Variants in TNN observed in about 807,000 individuals in gnomAD.
The protein encoded by TNN is tenascin-N.
In TNN, 122 loss-of-function variants were observed where a neutral mutation model predicts 134.4. The ratio of observed to expected loss-of-function variants is 0.91; its 90% CI spans 0.78 to 1.06. The LOEUF (loss-of-function observed/expected upper bound fraction) is 1.06. Ranked by LOEUF, TNN falls within the 50% of genes least tolerant of loss-of-function variation. The pLI, the probability that TNN is intolerant of heterozygous loss-of-function variation, is 0.00. For missense variants in TNN, 1,739 were observed against 1,699.4 expected, an observed-to-expected ratio of 1.02 and a Z score of -0.41; for synonymous variants, 710 against 670.3, an observed-to-expected ratio of 1.06 and a Z score of -0.91.
intron 6 of TNN, among the ~76,000 whole-genome samples, chr1:175,090,310 C>G (rs938150722): frequency 6.6e-6 from 1 of 152,086 alleles, no homozygotes; most frequent in Non-Finnish European, 1.5e-5. Flanking sequence ...ACAAACGATG[C>G]CTTTTGGATA....
chr1:175,146,053 C>T (rs576242158), intron 18 of TNN, among the ~76,000 whole-genome samples: 2 of 152,276 alleles, frequency 1.3e-5, no homozygotes, highest in South Asian at 4.1e-4. Context: ...ATTTTGATTA[C>T]TTTGGCCCTG....
intron 4 of TNN, among the ~76,000 whole-genome samples, chr1:175,083,114 TG>T (rs1674236637): frequency 1.3e-5 from 2 of 152,010 alleles, no homozygotes; most frequent in Non-Finnish European, 2.9e-5. Context: ...AGGTACCAGA[TG>T]GAAGTGCTAA....
intron 15 of TNN, among the ~76,000 whole-genome samples, chr1:175,130,972 C>T (rs1455344264): frequency 6.6e-6 from 1 of 152,140 alleles, no homozygotes; most frequent in Non-Finnish European, 1.5e-5. Context: ...CTTAAAGCCA[C>T]CATGCTCCAG....
At position 175,108,832 on chromosome 1, in the gene TNN, C is replaced by T. The variant is rs111712405; in HGVS notation, c.2120-8107C>T. On this transcript the variant is annotated intron_variant, in intron 9 of 18. Coordinates refer to ENST00000239462, the MANE Select transcript of TNN (RefSeq NM_022093.2). Reference sequence around the variant, plus strand: ...CATGTGCAGCCCTGGTTCCCGCTCACGCCTCTCCCTCCACACCTCCCCGCA... The same window carrying T: ...CATGTGCAGCCCTGGTTCCCGCTCATGCCTCTCCCTCCACACCTCCCCGCA... Among the ~76,000 whole-genome samples, 127 of 146,856 alleles carry T rather than the reference C, an allele frequency of 8.6e-4. 4 individuals are homozygous for T. The highest frequency in any genetic ancestry group is 3.1e-3 in the African/African-American group (119 of 38,972).
chr1:175,127,028 C>G lies in TNN; in HGVS notation c.2988C>G (p.Pro996=). The G allele has an allele frequency of 2.5e-6, 4 of 1,614,182 alleles. No homozygotes were observed. The highest frequency in any genetic ancestry group is 3.4e-6 in the Non-Finnish European group (4 of 1,180,020). ...QSGGILTWTP[P]SAQIHGYILT... The stretch of plus-strand genomic sequence containing the variant: ...GTGGCATATTGACCTGGACGCCCCC[C>G]TCTGCTCAGATCCACGGCTACATTC... Residue 996 remains proline (P), a synonymous_variant, in exon 13 of 19, where the codon CCC becomes CCG. Transcript: ENST00000239462.
At chr1:175,132,769 G>GA (rs2101848232) in intron 15 of TNN, among the ~76,000 whole-genome samples, 1 of 152,340 alleles carries the variant, frequency 6.6e-6, no homozygotes, top group South Asian at 2.1e-4. Context: ...TTGGAGTCTG[G>GA]AGCCTTCTGC....
intron 2 of TNN, among the ~76,000 whole-genome samples, chr1:175,078,558 C>T (rs889946729): frequency 6.6e-6 from 1 of 152,126 alleles, no homozygotes. Context: ...AGCACCTTAA[C>T]CATCAGATCC....
At chr1:175,103,574 T>C (rs1278129436) in intron 9 of TNN, among the ~76,000 whole-genome samples, 1 of 145,844 alleles carries the variant, frequency 6.9e-6, no homozygotes, top group African/African-American at 2.5e-5. Flanking sequence ...TGCTGTTTTT[T>C]TCTTTACTAC....
intron 17 of TNN, among the ~76,000 whole-genome samples, chr1:175,142,956 G>C (rs1675973755): frequency 6.6e-6 from 1 of 152,172 alleles, no homozygotes; most frequent in Non-Finnish European, 1.5e-5. Context: ...TGTGGATGCT[G>C]CTGGTCTGGG....
chr1:175,087,182 C>CA, intron 6 of TNN, among the ~76,000 whole-genome samples: 1 of 152,242 alleles, frequency 6.6e-6, no homozygotes, highest in Middle Eastern at 3.4e-3. Flanking sequence ...GAGAAAGAAA[C>CA]ATGGAATCAC....
At chr1:175,124,235 G>T (rs744010) in intron 12 of TNN, among the ~76,000 whole-genome samples, 93,958 of 152,096 alleles carry the variant, frequency 0.62, 29,042 homozygotes, top group Admixed American at 0.64. Flanking sequence ...ATGGCTGAGC[G>T]CACCAAGTGT....
Position 175,136,985 on chromosome 1 carries a change from G to A in TNN, c.3592G>A (p.Ala1198Thr). The A allele has an allele frequency of 1.2e-6, 2 of 1,613,778 alleles. No individual in the cohort carries two copies. The highest frequency in any genetic ancestry group is 1.7e-6 in the Non-Finnish European group (2 of 1,179,848). Residue 1198 changes from alanine (A) to threonine (T), a missense_variant, in exon 17 of 19, where the codon GCA becomes ACA. Physicochemically the swap from Ala to Thr is moderately conservative, Grantham distance 58. Coordinates refer to ENST00000239462, the MANE Select transcript of TNN (RefSeq NM_022093.2). Reference protein sequence around the residue: ...KLTVGKYRGTAGDALTYHNGW... With the variant: ...KLTVGKYRGTTGDALTYHNGW... Reference sequence around the variant, plus strand: ...GACAGTTGGGAAATACAGAGGCACGGCAGGTGAGAAAAAATGTTTTCTTAC... The same window carrying A: ...GACAGTTGGGAAATACAGAGGCACGACAGGTGAGAAAAAATGTTTTCTTAC...
chr1:175,102,102 T>G lies in TNN; in HGVS notation c.2119+3507T>G, dbSNP rs1336795136. Reference sequence around the variant, plus strand: ...TTCTCCAAGGCCCCACCAGAGCAGCTAGATACAGAGTGTTGATTGGTGCAC... The same window carrying G: ...TTCTCCAAGGCCCCACCAGAGCAGCGAGATACAGAGTGTTGATTGGTGCAC... On this transcript the variant is annotated intron_variant, in intron 9 of 18. Transcript: ENST00000239462. Among the ~76,000 whole-genome samples the G allele has an allele frequency of 2.7e-5, 4 of 145,594 alleles. 1 individual carries two copies. The East Asian group carries it at 9.4e-4, about 34-fold the overall frequency.
intron 7 of TNN, among the ~76,000 whole-genome samples, chr1:175,095,500 C>T (rs879379779): frequency 5.9e-5 from 9 of 152,194 alleles, no homozygotes; most frequent in African/African-American, 1.7e-4. Flanking sequence ...TTACATTACA[C>T]GTGACTCTCT....
intron 1 of TNN, among the ~76,000 whole-genome samples, chr1:175,076,351 G>T (rs1443082569): frequency 6.6e-6 from 1 of 152,170 alleles, no homozygotes; most frequent in Non-Finnish European, 1.5e-5. Context: ...AAACCTCTCC[G>T]CATGTGTGAC....
chr1:175,076,005 C>T (rs1674029944), intron 1 of TNN, among the ~76,000 whole-genome samples: 1 of 152,200 alleles, frequency 6.6e-6, no homozygotes, highest in Non-Finnish European at 1.5e-5. Flanking sequence ...GACAGCTCTG[C>T]AGATCACTTT....
At chr1:175,095,372 C>G (rs980830155) in intron 7 of TNN, among the ~76,000 whole-genome samples, 1 of 152,182 alleles carries the variant, frequency 6.6e-6, no homozygotes, top group Non-Finnish European at 1.5e-5. Flanking sequence ...AGCATGAAAA[C>G]AGCCACAGAC....
chr1:175,102,663 G>C (rs1674755113), intron 9 of TNN, among the ~76,000 whole-genome samples: 1 of 145,744 alleles, frequency 6.9e-6, no homozygotes, highest in African/African-American at 2.5e-5. Context: ...GCGCAGCCCT[G>C]GTTCCCACTC....
chr1:175,146,497 ATTGAAAATGAT>A (rs1303575561), intron 18 of TNN, among the ~76,000 whole-genome samples: 1 of 152,222 alleles, frequency 6.6e-6, no homozygotes, highest in Non-Finnish European at 1.5e-5. Flanking sequence ...AACAGTCTAA[ATTGAAAATGAT>A]TTTACACAAC....
Sources: gnomAD v4.1 joint callset for allele counts (sites outside exome capture counted in the v4.1 genomes callset) on GRCh38, gnomAD v4.1.1 for gene constraint, MANE v1.5 for transcripts, NCBI Gene and HGNC (gene_info 2026-07-23, HGNC 2026-07-21) for gene names.